PEX2: variants seen among roughly 807,000 people sequenced by gnomAD.
PEX2 encodes the protein peroxisome biogenesis factor 2.
Under a neutral mutation model 25.2 loss-of-function variants are expected in PEX2, and 19 were observed. The ratio of observed to expected loss-of-function variants is 0.75; its 90% confidence interval spans 0.53 to 1.10. The LOEUF (loss-of-function observed/expected upper bound fraction) is 1.10. Ranked by LOEUF, PEX2 falls within the 50% of genes least tolerant of loss-of-function variation. PEX2 has a pLI of 0.00. For missense variants in PEX2, 347 were observed against 350.6 expected (o/e 0.99, Z 0.08); for synonymous variants, 141 against 127.7 (o/e 1.10, Z -0.70).
intron 1 of PEX2, among the ~76,000 whole-genome samples, chr8:76,988,971 C>A (rs868763788): frequency 4.2e-5 from 6 of 142,694 alleles, no homozygotes; most frequent in Middle Eastern, 3.4e-3. Context: ...GGGAGGATTT[C>A]TGGGCAACAC....
In PEX2 at chr8:76,982,004, C is replaced by G. The variant is rs1806844376; in HGVS notation, c.*1257G>C. 2 of 152,190 alleles carry G rather than the reference C, an allele frequency of 1.3e-5. No individual in the cohort carries two copies. Among genetic ancestry groups the G allele is most frequent in the African/African-American group, 4.8e-5 (2 of 41,448 alleles). The allele number at this position is 152,190 out of a possible 1,614,324, so 9.4% of individuals were successfully genotyped here. On this transcript the variant is annotated 3_prime_UTR_variant, in exon 4 of 4. Transcript: ENST00000357039. ...GTGCCTCTAATGGCTACATCAGTAC[C>G]TGGCACCTGAGTACTTGTTCAATGA...
chr8:76,989,238 T>C (rs776663854), intron 1 of PEX2, among the ~76,000 whole-genome samples: 10 of 152,070 alleles, frequency 6.6e-5, no homozygotes, highest in African/African-American at 1.2e-4. Context: ...TATGAGATTG[T>C]AGCAAATCAG....
At chr8:76,996,365 G>C (rs1425690812) in intron 1 of PEX2, among the ~76,000 whole-genome samples, 1 of 152,124 alleles carries the variant, frequency 6.6e-6, no homozygotes, top group African/African-American at 2.4e-5. Flanking sequence ...GACCAGAGGG[G>C]GCAGAACCAG....
Position 76,982,015 on chromosome 8 carries a change from G to A in PEX2, c.*1246C>T, listed in dbSNP as rs1265256795. Reference sequence around the variant, plus strand: ...GGCTACATCAGTACCTGGCACCTGAGTACTTGTTCAATGAAAGGTGAAGAG... The same window carrying A: ...GGCTACATCAGTACCTGGCACCTGAATACTTGTTCAATGAAAGGTGAAGAG... On this transcript the variant is annotated 3_prime_UTR_variant, in exon 4 of 4. Transcript: ENST00000357039. 1 of 152,126 alleles carries A rather than the reference G, an allele frequency of 6.6e-6. No homozygotes were observed. Among genetic ancestry groups the A allele is most frequent in the Non-Finnish European group, 1.5e-5 (1 of 68,040 alleles). 9.4% of individuals were successfully genotyped at this position (152,126 alleles called of 1,614,324 possible). A position where few individuals can be genotyped will look rare whatever the true frequency, so the allele number is the denominator to read the frequency against.
upstream of PEX2, chr8:77,000,180 G>T (rs1401714584): frequency 3.2e-6 from 1 of 309,866 alleles, no homozygotes; most frequent in Non-Finnish European, 6.4e-6. Flanking sequence ...GCGCTTTAGC[G>T]GCGCTGCTGA....
At chr8:76,992,049 T>C (rs536754232) in intron 1 of PEX2, among the ~76,000 whole-genome samples, 3 of 152,238 alleles carry the variant, frequency 2.0e-5, no homozygotes, top group East Asian at 1.9e-4. Flanking sequence ...CATTAAGACA[T>C]AAATTGTGGC....
In PEX2 at chr8:76,980,695, A is replaced by G. The variant is rs1214837747; in HGVS notation, c.*2566T>C. ...AGTGGGATCAGAAAGCTAGCAGATTATAAGCCTTGAGCTTCTAGCGGCCAT... is the reference window on the plus strand; with the variant it reads ...AGTGGGATCAGAAAGCTAGCAGATTGTAAGCCTTGAGCTTCTAGCGGCCAT... On this transcript the variant is annotated 3_prime_UTR_variant, in exon 4 of 4. Transcript: ENST00000357039. The G allele has an allele frequency of 2.0e-5, 3 of 152,236 alleles. No individual in the cohort carries two copies. The highest frequency in any genetic ancestry group is 4.4e-5 in the Non-Finnish European group (3 of 68,044). The allele number at this position is 152,236 out of a possible 1,614,324, so 9.4% of individuals were successfully genotyped here. A position where few individuals can be genotyped will look rare whatever the true frequency, so the allele number is the denominator to read the frequency against.
chr8:76,983,315 G>A lies in PEX2; in HGVS notation c.864C>T (p.His288=). ...TTCCTGATTTCAGTGGCTGCAGACT[G>A]TGTACTTCTGTGCCACACTTAGGAC... ...FTCPKCGTEV[H]SLQPLKSGIE... is the part of the protein sequence containing the mutation. The change falls in exon 4 of 4, where the codon CAC becomes CAT. Residue 288 remains histidine, a synonymous_variant. Transcript: ENST00000357039. 1 of 1,613,920 alleles carries A rather than the reference G, an allele frequency of 6.2e-7. No homozygotes were observed. Among genetic ancestry groups the A allele is most frequent in the South Asian group, 1.1e-5 (1 of 91,084 alleles).
intron 1 of PEX2, among the ~76,000 whole-genome samples, chr8:76,998,774 A>AT (rs1807407817): frequency 6.6e-6 from 1 of 152,138 alleles, no homozygotes; most frequent in Admixed American, 6.5e-5. Context: ...AAGTTCTCCT[A>AT]TGGAACAGTT....
At chr8:76,996,059 A>C (rs1807319719) in intron 1 of PEX2, among the ~76,000 whole-genome samples, 1 of 152,194 alleles carries the variant, frequency 6.6e-6, no homozygotes, top group African/African-American at 2.4e-5. Context: ...ACATGAGGAA[A>C]ATAGAGAAAT....
In PEX2 at chr8:76,982,809, A is replaced by AG. The variant is rs1349027190; in HGVS notation, c.*451dup. 4.3e-4 allele frequency: 79 copies of AG among 183,316 alleles called. No homozygotes were observed. In the Middle Eastern group the frequency reaches 7.9e-3, roughly 18 times the overall value. The allele number at this position is 183,316 out of a possible 1,614,324, so 11.4% of individuals were successfully genotyped here. On this transcript the variant is annotated 3_prime_UTR_variant, in exon 4 of 4. Transcript: ENST00000357039. ...GGGTGACAGAGCAGGACACCGTCTC[A>AG]GAAAAAAAAAAAAAAGTTACAACTG...
Position 76,981,751 on chromosome 8 carries a change from T to G in PEX2, c.*1510A>C, listed in dbSNP as rs1806833630. On this transcript the variant is annotated 3_prime_UTR_variant, in exon 4 of 4. Coordinates refer to ENST00000357039, the MANE Select transcript of PEX2 (RefSeq NM_000318.3). ...CTCTCTCAAAAAATTGTGGGAAAGT[T>G]GATTTTATATTTTTTCCTGAATTGT... 6.6e-6 allele frequency: 1 copy of G among 152,196 alleles called. No homozygotes were observed. The highest frequency in any genetic ancestry group is 1.5e-5 in the Non-Finnish European group (1 of 68,024). The allele number at this position is 152,196 out of a possible 1,614,324, so 9.4% of individuals were successfully genotyped here. A position where few individuals can be genotyped will look rare whatever the true frequency, so the allele number is the denominator to read the frequency against.
chr8:76,992,030 T>C (rs1201843706), intron 1 of PEX2, among the ~76,000 whole-genome samples: 1 of 152,114 alleles, frequency 6.6e-6, no homozygotes, highest in African/African-American at 2.4e-5. Flanking sequence ...TTCCAGGAAA[T>C]ATTGACATCA....
At chr8:76,997,021 G>T (rs1360533609) in intron 1 of PEX2, among the ~76,000 whole-genome samples, 1 of 152,156 alleles carries the variant, frequency 6.6e-6, no homozygotes, top group Non-Finnish European at 1.5e-5. Context: ...GAACTCAAAA[G>T]AAATCTTTTT....
chr8:76,999,196 GC>G (rs1807423129), intron 1 of PEX2, among the ~76,000 whole-genome samples: 1 of 152,034 alleles, frequency 6.6e-6, no homozygotes, highest in Non-Finnish European at 1.5e-5. Context: ...TGTTGTGAGC[GC>G]CCAAGTATCA....
At chr8:76,984,707 C>T (rs898876271) in intron 3 of PEX2, among the ~76,000 whole-genome samples, 5 of 152,092 alleles carry the variant, frequency 3.3e-5, no homozygotes, top group Admixed American at 1.3e-4. Flanking sequence ...GTTATTTTTT[C>T]AGCAAGTCAT....
intron 1 of PEX2, among the ~76,000 whole-genome samples, chr8:76,994,667 T>C (rs948825418): frequency 1.3e-5 from 2 of 152,182 alleles, no homozygotes; most frequent in Admixed American, 6.6e-5. Context: ...TAATCTCTAC[T>C]GTGTCATACC....
chr8:76,988,780 T>C (rs1225689350), intron 1 of PEX2, among the ~76,000 whole-genome samples: 1 of 152,180 alleles, frequency 6.6e-6, no homozygotes, highest in South Asian at 2.1e-4. Context: ...AACCCTGCCA[T>C]TGCTTTATCA....
upstream of PEX2, chr8:77,000,177 A>G: frequency 3.2e-6 from 1 of 311,278 alleles, no homozygotes; most frequent in South Asian, 2.5e-5. Context: ...ACTGCGCTTT[A>G]GCGGCGCTGC....
Sources: gnomAD v4.1 joint callset for allele counts (sites outside exome capture counted in the v4.1 genomes callset) on GRCh38, gnomAD v4.1.1 for gene constraint, MANE v1.5 for transcripts, NCBI Gene and HGNC (gene_info 2026-07-23, HGNC 2026-07-21) for gene names.